The following GTF2IRD1 variants were observed in gnomAD, a reference collection of about 807,000 sequenced individuals.
The protein encoded by GTF2IRD1 is GTF2I repeat domain containing 1.
In GTF2IRD1, 26 loss-of-function variants were observed where a neutral mutation model predicts 113.2. The observed-to-expected ratio is 0.23, with a 90% confidence interval of 0.17 to 0.32. The LOEUF (loss-of-function observed/expected upper bound fraction) is 0.32. Among genes scored for constraint, GTF2IRD1 ranks in the 10% least tolerant of loss-of-function variants. The pLI is 1.00. For missense variants in GTF2IRD1, 864 were observed against 1,280.8 expected (o/e 0.67, Z 4.97); for synonymous variants, 484 against 529.1 (o/e 0.91, Z 1.17).
intron 1 of GTF2IRD1, among the ~76,000 whole-genome samples, chr7:74,466,805 C>A (rs1454352930): frequency 6.6e-6 from 1 of 152,090 alleles, no homozygotes; most frequent in African/African-American, 2.4e-5. Flanking sequence ...GGTCACGGCC[C>A]CATCATCATG....
At chr7:74,534,472 C>T (rs587647378) in intron 9 of GTF2IRD1, among the ~76,000 whole-genome samples, 1 of 152,272 alleles carries the variant, frequency 6.6e-6, no homozygotes, top group South Asian at 2.1e-4. Flanking sequence ...TGTGGTTGCA[C>T]ACGCCTGTAA....
intron 25 of GTF2IRD1, among the ~76,000 whole-genome samples, chr7:74,597,672 AAAG>A (rs1270152763): frequency 2.0e-5 from 3 of 152,146 alleles, no homozygotes; most frequent in African/African-American, 4.8e-5. Flanking sequence ...AAGAAATAAA[AAAG>A]AAGAAGAAAG....
intron 1 of GTF2IRD1, among the ~76,000 whole-genome samples, chr7:74,465,746 G>A (rs1264963227): frequency 6.6e-6 from 1 of 152,020 alleles, no homozygotes; most frequent in African/African-American, 2.4e-5. Flanking sequence ...CGTGGGGTGT[G>A]GGGTGTGGGG....
chr7:74,492,315 T>TA (rs1795405723), intron 1 of GTF2IRD1, among the ~76,000 whole-genome samples: 1 of 151,832 alleles, frequency 6.6e-6, no homozygotes, highest in Non-Finnish European at 1.5e-5. Context: ...GGACTACAGG[T>TA]GCCTGCCACC....
chr7:74,496,557 GGGGTGTACATGTGT>G (rs1208980906), intron 1 of GTF2IRD1, among the ~76,000 whole-genome samples: 2 of 107,690 alleles, frequency 1.9e-5, no homozygotes, highest in Non-Finnish European at 3.7e-5. Context: ...GTGCGTTTGG[GGGGTGTACATGTGT>G]GGGTGTGCAT....
At chr7:74,576,318 C>T (rs1403376589) in intron 22 of GTF2IRD1, among the ~76,000 whole-genome samples, 7 of 151,528 alleles carry the variant, frequency 4.6e-5, no homozygotes, top group African/African-American at 9.7e-5. Flanking sequence ...CCTAGCACTT[C>T]GGGAGGCTGA....
At chr7:74,511,596 T>C (rs28379192) in intron 2 of GTF2IRD1, among the ~76,000 whole-genome samples, 17,167 of 152,290 alleles carry the variant, frequency 0.11, 2,413 homozygotes, top group East Asian at 0.39. Context: ...GAGGACAGGC[T>C]TCCTGGCCCC....
rs1799527087 is a variant in GTF2IRD1 at position 74,555,324 on chromosome 7, T to C, written c.1966+101T>C. On this transcript the variant is annotated intron_variant, in intron 18 of 26. Transcript: ENST00000424337. The surrounding 1 kb of genome is among the most constrained non-coding windows in gnomAD (Gnocchi z 5.3). ...TCCTGCTGCCTCTGTCCTGCTCCCATCCTGGCCCTGGCATTCTCCCCACAC... is the reference window on the plus strand; with the variant it reads ...TCCTGCTGCCTCTGTCCTGCTCCCACCCTGGCCCTGGCATTCTCCCCACAC... 9.5e-6 allele frequency: 14 copies of C among 1,470,306 alleles called. No individual in the cohort carries two copies. Among genetic ancestry groups the C allele is most frequent in the Non-Finnish European group, 1.3e-5 (14 of 1,051,270 alleles). 91.1% of individuals were successfully genotyped at this position (1,470,306 alleles called of 1,614,324 possible). A position where few individuals can be genotyped will look rare whatever the true frequency, so the allele number is the denominator to read the frequency against.
intron 22 of GTF2IRD1, among the ~76,000 whole-genome samples, chr7:74,574,271 G>A (rs1342643173): frequency 6.6e-6 from 1 of 150,578 alleles, no homozygotes; most frequent in Admixed American, 6.7e-5. Flanking sequence ...CAAAGTGCCG[G>A]GATTACTGGT....
At chr7:74,557,270 C>T (rs1273379729) in intron 19 of GTF2IRD1, among the ~76,000 whole-genome samples, 1 of 152,148 alleles carries the variant, frequency 6.6e-6, no homozygotes, top group South Asian at 2.1e-4. Flanking sequence ...GCTTCCATTC[C>T]CTCGCTTGTC....
intron 6 of GTF2IRD1, 56 bp downstream of exon 6, chr7:74,519,775 C>T (rs1562829250): frequency 7.9e-7 from 1 of 1,273,114 alleles, no homozygotes; most frequent in Non-Finnish European, 1.1e-6. Flanking sequence ...GTCACTCATG[C>T]AGGGGACAGC....
chr7:74,588,671 C>T (rs1342436179), intron 22 of GTF2IRD1, among the ~76,000 whole-genome samples: 9 of 152,062 alleles, frequency 5.9e-5, no homozygotes, highest in Non-Finnish European at 1.0e-4. Context: ...GCTGGGACTA[C>T]AGGTGCCCGC....
intron 1 of GTF2IRD1, among the ~76,000 whole-genome samples, chr7:74,481,978 A>G (rs2117121218): frequency 1.3e-5 from 2 of 151,950 alleles, no homozygotes; most frequent in South Asian, 4.2e-4. Context: ...TAGGCTGGGA[A>G]GAGCTCGACC....
intron 1 of GTF2IRD1, among the ~76,000 whole-genome samples, chr7:74,490,545 C>CG (rs1461447116): frequency 2.1e-5 from 3 of 146,004 alleles, no homozygotes; most frequent in Admixed American, 6.7e-5. Flanking sequence ...AAAGGATACC[C>CG]CCCCCCCCGC....
At chr7:74,551,590 G>T (rs2130720014) in intron 17 of GTF2IRD1, among the ~76,000 whole-genome samples, 1 of 152,226 alleles carries the variant, frequency 6.6e-6, no homozygotes, top group Middle Eastern at 3.4e-3. Flanking sequence ...GGATAAGAAG[G>T]TGACATTGAA....
At chr7:74,594,502 A>G (rs1447186787) in intron 24 of GTF2IRD1, among the ~76,000 whole-genome samples, 1 of 152,188 alleles carries the variant, frequency 6.6e-6, no homozygotes, top group Non-Finnish European at 1.5e-5. Context: ...GACCCAGAGG[A>G]AAGATTTGCC....
chr7:74,529,423 G>A (rs782600714), intron 8 of GTF2IRD1, among the ~76,000 whole-genome samples: 6 of 151,734 alleles, frequency 4.0e-5, no homozygotes, highest in African/African-American at 7.3e-5. Flanking sequence ...CTAGCTTTTT[G>A]TATTTTACTT....
chr7:74,601,424 GC>G, intron 26 of GTF2IRD1: 1 of 1,472,088 alleles, frequency 6.8e-7, no homozygotes, highest in Non-Finnish European at 9.0e-7. Flanking sequence ...GGGCAGATGG[GC>G]CGGCTGAGGT....
chr7:74,521,929 T>C (rs1219705869), intron 7 of GTF2IRD1, among the ~76,000 whole-genome samples: 1 of 152,160 alleles, frequency 6.6e-6, no homozygotes, highest in Non-Finnish European at 1.5e-5. Context: ...TGGCTGGGGC[T>C]GCTGTCATCC....
Sources: gnomAD v4.1 joint callset for allele counts (sites outside exome capture counted in the v4.1 genomes callset) on GRCh38, gnomAD v4.1.1 for gene constraint, Gnocchi (gnomAD v3.1) non-coding constraint, MANE v1.5 for transcripts, NCBI Gene and HGNC (gene_info 2026-07-23, HGNC 2026-07-21) for gene names.